The following ADAM12 variants were observed in gnomAD, a reference collection of about 807,000 sequenced individuals.
ADAM12 encodes ADAM metallopeptidase domain 12, also known as disintegrin and metalloproteinase domain-containing protein 12.
Under a neutral mutation model 106.4 loss-of-function variants are expected in ADAM12, and 70 were observed. The ratio of observed to expected loss-of-function variants is 0.66; its 90% CI spans 0.54 to 0.80. The LOEUF (loss-of-function observed/expected upper bound fraction) is 0.80. Among genes scored for constraint, ADAM12 ranks in the 30% least tolerant of loss-of-function variants. The pLI is 0.00. For missense variants in ADAM12, 1,010 were observed against 1,171.9 expected (o/e 0.86, Z 2.02); for synonymous variants, 420 against 433.5 (o/e 0.97, Z 0.39).
At chr10:126,124,388 C>T (rs571120579) in intron 5 of ADAM12, among the ~76,000 whole-genome samples, 22 of 151,676 alleles carry the variant, frequency 1.5e-4, no homozygotes, top group Non-Finnish European at 2.6e-4. Flanking sequence ...TTAACACATA[C>T]GCACCACAGG....
chr10:126,237,377 A>T (rs150949561), intron 3 of ADAM12, among the ~76,000 whole-genome samples: 1 of 151,750 alleles, frequency 6.6e-6, no homozygotes, highest in Non-Finnish European at 1.5e-5. Flanking sequence ...AATAGAGGGG[A>T]CTCCCCTATA....
At chr10:126,324,904 ATTGTTCGTAAC>A (rs1854238274) in intron 2 of ADAM12, among the ~76,000 whole-genome samples, 1 of 151,930 alleles carries the variant, frequency 6.6e-6, no homozygotes, top group Non-Finnish European at 1.5e-5. Context: ...AGCCGAAGTT[ATTGTTCGTAAC>A]ACCTGATACA....
At chr10:126,102,161 T>C (rs1003717599) in intron 8 of ADAM12, among the ~76,000 whole-genome samples, 1 of 152,116 alleles carries the variant, frequency 6.6e-6, no homozygotes, top group Admixed American at 6.6e-5. Flanking sequence ...GGTAGAGGTA[T>C]GACCTACCCA....
chr10:126,024,418 T>TA (rs1436805554), intron 21 of ADAM12, among the ~76,000 whole-genome samples: 1 of 152,126 alleles, frequency 6.6e-6, no homozygotes, highest in Non-Finnish European at 1.5e-5. Context: ...TTAAATATTT[T>TA]AAAAAATAAC....
chr10:126,086,946 T>C (rs1426317382), intron 11 of ADAM12, among the ~76,000 whole-genome samples: 3 of 151,562 alleles, frequency 2.0e-5, no homozygotes, highest in African/African-American at 7.3e-5. Context: ...GGCAGGAGAA[T>C]TGCTTGAACT....
rs151030407 is a variant in ADAM12 at position 126,017,332 on chromosome 10, G to C, written c.2668C>G (p.Pro890Ala). 1 of 1,584,312 alleles carries C rather than the reference G, an allele frequency of 6.3e-7. No homozygotes were observed. The highest frequency in any genetic ancestry group is 1.3e-5 in the African/African-American group (1 of 74,672). ...GLRLAPLRPA[P>A]QYPHQVPRST... ...CTGGGCACTTGGTGTGGATATTGTG[G>C]AGCAGGTCTGAATGAAGAGAGGAGA... is the stretch of plus-strand genomic sequence containing the variant. The change falls in exon 23 of 23, where the codon CCA (proline) becomes GCA (alanine). Residue 890 changes from proline (P) to alanine (A), a missense_variant. This residue lies in a region of ADAM12 where 615 missense variants were observed against 708.5 expected (regional missense o/e 0.87). Transcript: ENST00000448723.
chr10:126,018,053 G>GAATT (rs1422134133), intron 22 of ADAM12, among the ~76,000 whole-genome samples: 1 of 152,196 alleles, frequency 6.6e-6, no homozygotes, highest in African/African-American at 2.4e-5. Context: ...ATGAAGTTGG[G>GAATT]AATTAAACAA....
At chr10:126,298,028 G>T (rs1960458957) in intron 2 of ADAM12, among the ~76,000 whole-genome samples, 1 of 152,114 alleles carries the variant, frequency 6.6e-6, no homozygotes, top group South Asian at 2.1e-4. Flanking sequence ...GAGGGCGAAT[G>T]AGAAGTAGAT....
intron 21 of ADAM12, among the ~76,000 whole-genome samples, chr10:126,022,279 A>AGT (rs1424644326): frequency 6.6e-6 from 1 of 152,228 alleles, no homozygotes; most frequent in African/African-American, 2.4e-5. Context: ...TGGTCACCAT[A>AGT]GTGATGAAAA....
chr10:126,388,260 G>T lies in ADAM12; in HGVS notation c.-115C>A. ...GACCGGAGGGATTTCCTGCCTCGGC[G>T]AGTCAGCTCCGGAGCCCTCGCGCAG... On this transcript the variant is annotated 5_prime_UTR_variant, in exon 1 of 23. Transcript: ENST00000448723. This position sits in a 1 kb window ranked among gnomAD's most constrained non-coding sequence, Gnocchi z 4.4. 1.7e-6 allele frequency: 2 copies of T among 1,175,490 alleles called. No individual in the cohort carries two copies. Among genetic ancestry groups the T allele is most frequent in the African/African-American group, 1.6e-5 (1 of 62,322 alleles). 72.8% of individuals were successfully genotyped at this position (1,175,490 alleles called of 1,614,324 possible).
intron 3 of ADAM12, among the ~76,000 whole-genome samples, chr10:126,269,053 C>G (rs1321717365): frequency 6.6e-6 from 1 of 152,108 alleles, no homozygotes; most frequent in East Asian, 1.9e-4. Flanking sequence ...ATATGCTAAA[C>G]AAGGGGTGGA....
At chr10:126,172,461 T>G (rs970086800) in intron 3 of ADAM12, among the ~76,000 whole-genome samples, 3 of 152,150 alleles carry the variant, frequency 2.0e-5, no homozygotes, top group African/African-American at 7.2e-5. Context: ...GAACAGATAT[T>G]TCTCAAAAGA....
At chr10:126,288,722 G>C (rs867115766) in intron 2 of ADAM12, among the ~76,000 whole-genome samples, 18 of 147,630 alleles carry the variant, frequency 1.2e-4, no homozygotes, top group African/African-American at 4.5e-4. Flanking sequence ...GTGACATAGT[G>C]GCCCTAGGGA....
intron 4 of ADAM12, among the ~76,000 whole-genome samples, chr10:126,142,701 G>T (rs1301148693): frequency 6.6e-6 from 1 of 152,228 alleles, no homozygotes; most frequent in Non-Finnish European, 1.5e-5. Flanking sequence ...TACATGGGCG[G>T]AATGCTTTTC....
intron 21 of ADAM12, among the ~76,000 whole-genome samples, chr10:126,024,455 C>A (rs1275801868): frequency 2.0e-5 from 3 of 152,064 alleles, no homozygotes; most frequent in African/African-American, 7.2e-5. Flanking sequence ...AGGAGGAAAA[C>A]AGAAGAGAAT....
intron 16 of ADAM12, among the ~76,000 whole-genome samples, chr10:126,047,205 G>A (rs1412245221): frequency 1.3e-5 from 2 of 152,186 alleles, no homozygotes; most frequent in South Asian, 2.1e-4. Flanking sequence ...AGAGTCTAAC[G>A]TTCAAATGGC....
intron 2 of ADAM12, among the ~76,000 whole-genome samples, chr10:126,313,128 G>T (rs992423417): frequency 6.6e-6 from 1 of 152,176 alleles, no homozygotes; most frequent in African/African-American, 2.4e-5. Context: ...CAGCTTGGCT[G>T]GGATGAAAGG....
chr10:126,049,214 G>T lies in ADAM12; in HGVS notation c.1917+39C>A, dbSNP rs750880942. On this transcript the variant is annotated intron_variant, in intron 16 of 22. Coordinates refer to ENST00000448723, the MANE Select transcript of ADAM12 (RefSeq NM_001288973.2). This position sits in a 1 kb window ranked among gnomAD's most constrained non-coding sequence, Gnocchi z 4.4. ...CTGTTTTTCAATGGGCCCTGTTCCA[G>T]ACTTACATTTATGATCCAAGCAAAC... 6.2e-6 allele frequency: 10 copies of T among 1,610,238 alleles called. No individual in the cohort carries two copies. In the South Asian group the frequency reaches 1.1e-4, roughly 18 times the overall value.
At chr10:126,138,855 A>G (rs888052950) in intron 4 of ADAM12, among the ~76,000 whole-genome samples, 31 of 146,794 alleles carry the variant, frequency 2.1e-4, no homozygotes, top group Non-Finnish European at 4.4e-4. Flanking sequence ...TAGCTATTAT[A>G]TTTACATCTT....
Sources: allele counts gnomAD v4.1 joint callset (sites outside exome capture counted in the v4.1 genomes callset), GRCh38; gene constraint gnomAD v4.1.1; regional missense constraint gnomAD v4.1.1; non-coding constraint Gnocchi (gnomAD v3.1); transcripts MANE v1.5; gene names NCBI Gene and HGNC (gene_info 2026-07-23, HGNC 2026-07-21).